The following PRDM10 variants were observed in gnomAD, a reference collection of about 807,000 sequenced individuals.
PRDM10 encodes the protein PR/SET domain 10.
A neutral mutation model predicts 133.1 loss-of-function variants in PRDM10; 65 were observed. The ratio of observed to expected loss-of-function variants is 0.49; its 90% confidence interval spans 0.40 to 0.60. The LOEUF (loss-of-function observed/expected upper bound fraction) is 0.60. Ranked by LOEUF, PRDM10 falls within the 20% of genes least tolerant of loss-of-function variation. The pLI, the probability that PRDM10 is intolerant of heterozygous loss-of-function variation, is 0.00. For missense variants in PRDM10, 1,137 were observed against 1,507.1 expected (o/e 0.75, Z 4.07); for synonymous variants, 582 against 580.4 (o/e 1.00, Z -0.04).
chr11:129,925,240 T>C lies in PRDM10; in HGVS notation c.1531-11A>G, dbSNP rs1384999704. ...CTGAAGAGCTGCATTCTGAAAGACA[T>C]ACACAAATGTGATCATTTAGTGATG... On this transcript the variant is annotated splice_polypyrimidine_tract_variant and intron_variant, in intron 11 of 20. Transcript: ENST00000360871. 1.3e-6 allele frequency: 2 copies of C among 1,584,858 alleles called. No homozygotes were observed. Among genetic ancestry groups the C allele is most frequent in the Non-Finnish European group, 1.7e-6 (2 of 1,166,090 alleles).
At chr11:129,973,010 G>A (rs749721513) in intron 1 of PRDM10, among the ~76,000 whole-genome samples, 9 of 152,078 alleles carry the variant, frequency 5.9e-5, no homozygotes, top group African/African-American at 9.7e-5. Context: ...CTTTTTTAGC[G>A]CCTTTTTCTT....
intron 6 of PRDM10, among the ~76,000 whole-genome samples, chr11:129,944,255 T>C (rs1951315377): frequency 6.6e-6 from 1 of 152,132 alleles, no homozygotes; most frequent in South Asian, 2.1e-4. Flanking sequence ...CCTAGAAAAC[T>C]ACCGTAGCCC....
intron 1 of PRDM10, among the ~76,000 whole-genome samples, chr11:129,980,953 C>A (rs1161353168): frequency 6.8e-6 from 1 of 147,108 alleles, no homozygotes; most frequent in Non-Finnish European, 1.5e-5. Flanking sequence ...CTCACTGCAA[C>A]CTCCTCCTCC....
chr11:129,923,224 T>C lies in PRDM10; in HGVS notation c.2034+24A>G. Reference sequence around the variant, plus strand: ...AATTCCAGTGGCCACGAGAACCACCTTGGGCTGTGCCTTGGTGTCATACCT... The same window carrying C: ...AATTCCAGTGGCCACGAGAACCACCCTGGGCTGTGCCTTGGTGTCATACCT... On this transcript the variant is annotated intron_variant, in intron 13 of 20. Transcript: ENST00000360871. The surrounding 1 kb of genome is among the most constrained non-coding windows in gnomAD (Gnocchi z 4.4). 1 of 1,557,484 alleles carries C rather than the reference T, an allele frequency of 6.4e-7. No individual in the cohort carries two copies. The highest frequency in any genetic ancestry group is 8.7e-7 in the Non-Finnish European group (1 of 1,149,830).
chr11:129,908,199 TG>T (rs1327227192), intron 19 of PRDM10, among the ~76,000 whole-genome samples: 2 of 151,558 alleles, frequency 1.3e-5, no homozygotes, highest in Non-Finnish European at 2.9e-5. Context: ...CAGCTGACCA[TG>T]GTGGCTTATG....
At chr11:129,912,322 T>C (rs1393904387) in intron 17 of PRDM10, 97 bp from the exon 18 acceptor site, 5 of 1,298,728 alleles carry the variant, frequency 3.8e-6, no homozygotes, top group Admixed American at 2.8e-5. Context: ...AACAATATCC[T>C]GGCCGGGTGC....
At chr11:129,977,825 G>A (rs1937871312) in intron 1 of PRDM10, among the ~76,000 whole-genome samples, 1 of 152,144 alleles carries the variant, frequency 6.6e-6, no homozygotes, top group Non-Finnish European at 1.5e-5. Flanking sequence ...GCATGGTGGT[G>A]TGCACCTGTT....
intron 1 of PRDM10, among the ~76,000 whole-genome samples, chr11:129,999,013 G>T (rs1309455985): frequency 6.6e-6 from 1 of 152,010 alleles, no homozygotes; most frequent in Non-Finnish European, 1.5e-5. Flanking sequence ...AGTAGAGGCA[G>T]AGTTTTGCTA....
At chr11:129,965,513 C>T (rs754542223) in intron 1 of PRDM10, among the ~76,000 whole-genome samples, 4 of 152,058 alleles carry the variant, frequency 2.6e-5, no homozygotes, top group Non-Finnish European at 5.9e-5. Flanking sequence ...CGTCTCCTAC[C>T]GACCTGAGGG....
intron 2 of PRDM10, among the ~76,000 whole-genome samples, chr11:129,960,622 T>C (rs1046840187): frequency 1.2e-4 from 19 of 152,038 alleles, no homozygotes; most frequent in Non-Finnish European, 2.8e-4. Flanking sequence ...AGCAATAACA[T>C]AAATAAAGCG....
At chr11:129,910,413 T>G in intron 19 of PRDM10, 63 bp downstream of exon 19, 3 of 1,600,946 alleles carry the variant, frequency 1.9e-6, no homozygotes, top group African/African-American at 1.3e-5. Flanking sequence ...GCTGAAGAAA[T>G]TATGACACAT....
At chr11:129,921,058 A>T (rs1298175171) in intron 13 of PRDM10, among the ~76,000 whole-genome samples, 1 of 152,084 alleles carries the variant, frequency 6.6e-6, no homozygotes, top group Non-Finnish European at 1.5e-5. Flanking sequence ...TGGCCTCCCA[A>T]AGTGCTGGGA....
At chr11:129,997,414 A>C (rs1939120733) in intron 1 of PRDM10, among the ~76,000 whole-genome samples, 1 of 152,262 alleles carries the variant, frequency 6.6e-6, no homozygotes, top group South Asian at 2.1e-4. Flanking sequence ...TGGGAGGTCA[A>C]GGCTGCAGTG....
At chr11:129,931,539 TTTTA>T (rs968285575) in intron 10 of PRDM10, among the ~76,000 whole-genome samples, 27 of 151,706 alleles carry the variant, frequency 1.8e-4, no homozygotes, top group Non-Finnish European at 3.1e-4. Context: ...CTCTGGTCAA[TTTTA>T]TTTATTTATT....
chr11:129,970,450 T>C (rs540034277), intron 1 of PRDM10, among the ~76,000 whole-genome samples: 6 of 152,286 alleles, frequency 3.9e-5, no homozygotes, highest in Non-Finnish European at 7.3e-5. Context: ...AAATCTACAC[T>C]GCTTCTCTTC....
chr11:129,957,681 A>G (rs1333075598), intron 3 of PRDM10, 65 bp downstream of exon 3: 2 of 1,544,268 alleles, frequency 1.3e-6, no homozygotes, highest in African/African-American at 2.7e-5. Flanking sequence ...ACTGACAGAA[A>G]GTAAACACAA....
chr11:129,992,097 A>G (rs1591705242), intron 1 of PRDM10, among the ~76,000 whole-genome samples: 1 of 152,242 alleles, frequency 6.6e-6, no homozygotes, highest in East Asian at 1.9e-4. Flanking sequence ...GCTTAACCAG[A>G]CCATTTCACT....
chr11:129,981,255 A>C (rs1938096046), intron 1 of PRDM10, among the ~76,000 whole-genome samples: 1 of 152,190 alleles, frequency 6.6e-6, no homozygotes, highest in Admixed American at 6.5e-5. Flanking sequence ...CGCTAAAAAA[A>C]CAGTGAATCG....
At position 129,947,173 on chromosome 11, in the gene PRDM10, C is replaced by A; in HGVS notation, c.492G>T (p.Pro164=). The change falls in exon 5 of 21, where the codon CCG becomes CCT. Residue 164 remains proline, a synonymous_variant. Coordinates refer to ENST00000360871, the MANE Select transcript of PRDM10 (RefSeq NM_199437.2). The surrounding 1 kb of genome is among the most constrained non-coding windows in gnomAD (Gnocchi z 4.6). ...DTDLDDWEPD[P]PRPFDPHDLW... is the part of the protein sequence containing the mutation. ...AGTCGTGTGGGTCGAAGGGCCGGGGCGGGTCTGGCTCCCAGTCATCCAGAT... is the reference window on the plus strand; with the variant it reads ...AGTCGTGTGGGTCGAAGGGCCGGGGAGGGTCTGGCTCCCAGTCATCCAGAT... The A allele has an allele frequency of 6.2e-7, 1 of 1,613,994 alleles. No individual in the cohort carries two copies. Among genetic ancestry groups the A allele is most frequent in the Non-Finnish European group, 8.5e-7 (1 of 1,179,984 alleles).
Sources: gnomAD v4.1 joint callset for allele counts (sites outside exome capture counted in the v4.1 genomes callset) on GRCh38, gnomAD v4.1.1 for gene constraint, Gnocchi (gnomAD v3.1) non-coding constraint, MANE v1.5 for transcripts, NCBI Gene and HGNC (gene_info 2026-07-23, HGNC 2026-07-21) for gene names.